The following GUCA1C variants were observed in gnomAD, a reference collection of about 807,000 sequenced individuals.
The protein encoded by GUCA1C is guanylate cyclase activator 1C.
GUCA1C carries 15 observed loss-of-function variants against 16.2 expected under a neutral mutation model. The ratio of observed to expected loss-of-function variants is 0.93; its 90% CI spans 0.62 to 1.43. The LOEUF (loss-of-function observed/expected upper bound fraction) is 1.43, where lower values mean the gene tolerates loss of function less well. GUCA1C is among the 40% of genes most tolerant of loss of function. The pLI, the probability that GUCA1C is intolerant of heterozygous loss-of-function variation, is 0.00. For missense variants in GUCA1C, 275 were observed against 244.8 expected (o/e 1.12, Z -0.82); for synonymous variants, 78 against 85.4 (o/e 0.91, Z 0.48).
At chr3:108,941,308 A>C (rs538496633) in intron 1 of GUCA1C, among the ~76,000 whole-genome samples, 1 of 152,266 alleles carries the variant, frequency 6.6e-6, no homozygotes, top group South Asian at 2.1e-4. Flanking sequence ...TGAAAATAAC[A>C]ACCTAAGGAT....
At chr3:108,922,820 C>T (rs1232231600) in intron 1 of GUCA1C, among the ~76,000 whole-genome samples, 1 of 152,148 alleles carries the variant, frequency 6.6e-6, no homozygotes, top group Non-Finnish European at 1.5e-5. Context: ...TATCCCTCCC[C>T]TAGCCCCCTA....
chr3:108,917,958 T>A (rs1559840860), intron 2 of GUCA1C, among the ~76,000 whole-genome samples: 2 of 152,166 alleles, frequency 1.3e-5, no homozygotes, highest in East Asian at 3.9e-4. Context: ...GGCAGGAGAA[T>A]CGCTTGAATC....
intron 2 of GUCA1C, among the ~76,000 whole-genome samples, chr3:108,919,160 G>T (rs1384558976): frequency 6.6e-6 from 1 of 151,908 alleles, no homozygotes; most frequent in Non-Finnish European, 1.5e-5. Context: ...AATTAGAGAC[G>T]AATGGTATCT....
chr3:108,920,432 T>G lies in GUCA1C; in HGVS notation c.354+4A>C. On this transcript the variant is annotated splice_donor_region_variant and intron_variant, in intron 2 of 3. Coordinates refer to ENST00000261047, the MANE Select transcript of GUCA1C (RefSeq NM_005459.4). ...TGAAAAGGATACTTTACTACTTCAC[T>G]TACCATGAACATGTCCAGTAGTTCA... The G allele has an allele frequency of 2.5e-6, 4 of 1,605,366 alleles. No individual in the cohort carries two copies. The highest frequency in any genetic ancestry group is 3.4e-6 in the Non-Finnish European group (4 of 1,172,572).
chr3:108,946,209 C>T (rs954472197), intron 1 of GUCA1C, among the ~76,000 whole-genome samples: 1 of 152,202 alleles, frequency 6.6e-6, no homozygotes, highest in East Asian at 1.9e-4. Context: ...TCACTGCAGT[C>T]TCAACCGCTC....
chr3:108,925,587 G>A (rs143831108), intron 1 of GUCA1C, among the ~76,000 whole-genome samples: 38 of 152,290 alleles, frequency 2.5e-4, no homozygotes, highest in Non-Finnish European at 4.3e-4. Flanking sequence ...TGAATAGAAT[G>A]TATATTCTAT....
At chr3:108,950,013 C>T (rs1946883039) in intron 1 of GUCA1C, among the ~76,000 whole-genome samples, 1 of 152,154 alleles carries the variant, frequency 6.6e-6, no homozygotes, top group South Asian at 2.1e-4. Flanking sequence ...AAACTTTGTA[C>T]CCTTTGACAA....
chr3:108,908,828 T>C (rs1946418418), intron 3 of GUCA1C, among the ~76,000 whole-genome samples: 1 of 152,208 alleles, frequency 6.6e-6, no homozygotes, highest in African/African-American at 2.4e-5. Flanking sequence ...CTGCCATGTT[T>C]TTCTACTACC....
At chr3:108,946,928 C>T (rs1946849800) in intron 1 of GUCA1C, among the ~76,000 whole-genome samples, 3 of 140,716 alleles carry the variant, frequency 2.1e-5, no homozygotes, top group African/African-American at 5.2e-5. Context: ...TTGAAACAAT[C>T]GAAAATTGGT....
chr3:108,932,072 A>C (rs1042608114), intron 1 of GUCA1C, among the ~76,000 whole-genome samples: 2 of 151,312 alleles, frequency 1.3e-5, no homozygotes, highest in Non-Finnish European at 3.0e-5. Flanking sequence ...GGATGGTCTC[A>C]ATCTCCTGAC....
At chr3:108,924,478 C>T (rs1410451417) in intron 1 of GUCA1C, among the ~76,000 whole-genome samples, 4 of 151,862 alleles carry the variant, frequency 2.6e-5, no homozygotes, top group Non-Finnish European at 5.9e-5. Context: ...CCCTGCATCC[C>T]TAATATAAAA....
At chr3:108,939,324 C>CTTTTTGTTTTTTTTTTTTTTTT (rs1946761353) in intron 1 of GUCA1C, among the ~76,000 whole-genome samples, 2 of 32,912 alleles carry the variant, frequency 6.1e-5, no homozygotes, top group African/African-American at 1.1e-4. Flanking sequence ...TGCTTCAAGG[C>CTTTTTGTTTTTTTTTTTTTTTT]TTTTTTTTTT....
At chr3:108,950,787 G>A (rs576442580) in intron 1 of GUCA1C, among the ~76,000 whole-genome samples, 2 of 152,148 alleles carry the variant, frequency 1.3e-5, no homozygotes, top group South Asian at 2.1e-4. Context: ...GCTGTGAAAT[G>A]TGAGGTTGAC....
intron 1 of GUCA1C, among the ~76,000 whole-genome samples, chr3:108,934,969 A>G (rs1184246452): frequency 2.0e-5 from 3 of 151,168 alleles, no homozygotes; most frequent in Admixed American, 2.0e-4. Context: ...GCCCGCCACC[A>G]CGCCCGGCTA....
At chr3:108,939,337 T>TTTTTTTTTTTTC (rs1946762324) in intron 1 of GUCA1C, among the ~76,000 whole-genome samples, 1 of 115,990 alleles carries the variant, frequency 8.6e-6, no homozygotes, top group African/African-American at 3.2e-5. Context: ...TTTTTTTTTT[T>TTTTTTTTTTTTC]TTTTTTTTTT....
chr3:108,945,001 G>C (rs569561974), intron 1 of GUCA1C, among the ~76,000 whole-genome samples: 3 of 152,320 alleles, frequency 2.0e-5, no homozygotes, highest in African/African-American at 7.2e-5. Context: ...TGCAGGGCCA[G>C]GTGCTCCTTC....
chr3:108,924,177 C>T (rs2107289593), intron 1 of GUCA1C, among the ~76,000 whole-genome samples: 2 of 152,236 alleles, frequency 1.3e-5, no homozygotes, highest in Middle Eastern at 6.8e-3. Flanking sequence ...GTAGGACTTC[C>T]AGTACTAAGT....
chr3:108,929,329 T>C (rs1272856243), intron 1 of GUCA1C, among the ~76,000 whole-genome samples: 1 of 152,188 alleles, frequency 6.6e-6, no homozygotes, highest in Non-Finnish European at 1.5e-5. Context: ...AGGTTTGTCT[T>C]TTGTTTTTGT....
chr3:108,932,568 A>T (rs940814521), intron 1 of GUCA1C, among the ~76,000 whole-genome samples: 2 of 152,198 alleles, frequency 1.3e-5, no homozygotes, highest in African/African-American at 4.8e-5. Flanking sequence ...CCTTATTAAA[A>T]CTAATTTGAA....
Sources: allele counts gnomAD v4.1 joint callset (sites outside exome capture counted in the v4.1 genomes callset), GRCh38; gene constraint gnomAD v4.1.1; transcripts MANE v1.5; gene names NCBI Gene and HGNC (gene_info 2026-07-23, HGNC 2026-07-21).